The following NRXN2 variants were observed in gnomAD, a reference collection of about 807,000 sequenced individuals.
NRXN2 encodes the protein neurexin-2-beta.
A neutral mutation model predicts 128.8 loss-of-function variants in NRXN2; 29 were observed. The observed-to-expected ratio is 0.23, with a 90% CI of 0.17 to 0.31. NRXN2 has a LOEUF of 0.31. NRXN2 is among the 10% of genes least tolerant of loss of function. The pLI, the probability that NRXN2 is intolerant of heterozygous loss-of-function variation, is 1.00. For missense variants in NRXN2, 1,881 were observed against 2,452.6 expected (o/e 0.77, Z 4.92); for synonymous variants, 1,098 against 1,075.2 (o/e 1.02, Z -0.41).
At chr11:64,707,344 G>A (rs545926225) in intron 2 of NRXN2, among the ~76,000 whole-genome samples, 15 of 150,188 alleles carry the variant, frequency 1.0e-4, no homozygotes, top group African/African-American at 2.5e-4. Flanking sequence ...GCAAGATCAC[G>A]CCACTGTACT....
In NRXN2 at chr11:64,662,793, T is replaced by A. The variant is rs557953164; in HGVS notation, c.1799-1654A>T. 1.4e-3 allele frequency among the ~76,000 whole-genome samples: 206 copies of A among 150,028 alleles called. 1 individual carries two copies. Among genetic ancestry groups the A allele is most frequent in the South Asian group, 4.7e-3 (22 of 4,730 alleles). ...CGAGATTCTGTCTCAAAAAAAAAAA[T>A]AAATAAATAAATAAAAGGGGTCAGG... On this transcript the variant is annotated intron_variant, in intron 9 of 22. Coordinates refer to ENST00000265459, the MANE Select transcript of NRXN2 (RefSeq NM_015080.4).
At position 64,685,692 on chromosome 11, in the gene NRXN2, T is replaced by C. The variant is rs754962693; in HGVS notation, c.1106A>G (p.Asn369Ser). The C allele has an allele frequency of 2.5e-6, 4 of 1,614,226 alleles. No homozygotes were observed. Among genetic ancestry groups the C allele is most frequent in the Admixed American group, 1.7e-5 (1 of 60,032 alleles). The change falls in exon 6 of 23, where the codon AAC (asparagine) becomes AGC (serine). Residue 369 changes from asparagine to serine, a missense_variant. Asn to Ser is a conservative substitution (Grantham distance 46, BLOSUM62 1). This residue lies in a region of NRXN2 where 997 missense variants were observed against 1,240.8 expected (regional missense o/e 0.80). Coordinates refer to ENST00000265459, the MANE Select transcript of NRXN2 (RefSeq NM_015080.4). The part of the protein sequence containing the change: ...ALVEPVNGKF[N>S]DNAWHDVRVT... ...CCGGACGTCGTGCCAGGCGTTGTCGTTGAACTTGCCATTGACGGGTTCCAC... is the reference window on the plus strand; with the variant it reads ...CCGGACGTCGTGCCAGGCGTTGTCGCTGAACTTGCCATTGACGGGTTCCAC...
chr11:64,649,307 C>A (rs2047143605), intron 15 of NRXN2, among the ~76,000 whole-genome samples: 1 of 152,344 alleles, frequency 6.6e-6, no homozygotes, highest in South Asian at 2.1e-4. Context: ...CTCCTTCAAG[C>A]CTTTCCCAAC....
At chr11:64,666,723 C>T (rs2049920787) in intron 9 of NRXN2, among the ~76,000 whole-genome samples, 1 of 152,148 alleles carries the variant, frequency 6.6e-6, no homozygotes, top group African/African-American at 2.4e-5. Flanking sequence ...GCCACCACAC[C>T]CAGCTAATTT....
chr11:64,666,316 C>T (rs2049853851), intron 9 of NRXN2, among the ~76,000 whole-genome samples: 1 of 151,848 alleles, frequency 6.6e-6, no homozygotes, highest in African/African-American at 2.4e-5. Context: ...ATTCTCCTGC[C>T]TCAGCCTCCC....
At chr11:64,686,973 G>A (rs2053145733) in intron 5 of NRXN2, among the ~76,000 whole-genome samples, 1 of 152,188 alleles carries the variant, frequency 6.6e-6, no homozygotes, top group African/African-American at 2.4e-5. Flanking sequence ...ACCAGCACAA[G>A]CCAGAGTGCA....
In NRXN2 at chr11:64,648,099, G is replaced by A; in HGVS notation, c.3403+120C>T. 1.4e-6 allele frequency: 2 copies of A among 1,410,974 alleles called. No homozygotes were observed. The highest frequency in any genetic ancestry group is 2.0e-6 in the Non-Finnish European group (2 of 1,009,540). The allele number at this position is 1,410,974 out of a possible 1,614,324, so 87.4% of individuals were successfully genotyped here. ...CTGGGACTCTGCAGACAAGGGATGA[G>A]AAGGAAGAAGCAGCACAGCTCCTGA... On this transcript the variant is annotated intron_variant, in intron 17 of 22. Transcript: ENST00000265459. This position sits in a 1 kb window ranked among gnomAD's most constrained non-coding sequence, Gnocchi z 4.1.
rs1392864719 is a variant in NRXN2 at position 64,630,413 on chromosome 11, C to A, written c.3746G>T (p.Arg1249Leu). The change falls in exon 19 of 23, where the codon CGG (arginine) becomes CTG (leucine). Residue 1249 changes from arginine to leucine, a missense_variant. By Grantham distance (102) the Arg-to-Leu change is moderately radical (BLOSUM62 -2). Transcript: ENST00000265459. This position sits in a 1 kb window ranked among gnomAD's most constrained non-coding sequence, Gnocchi z 4.6. ...LQVDSWPVNE[R>L]YPAGNFDNER... ...CCCGCGCCGCCTACCTGCCGGGTACCGCTCGTTGACCGGCCAGCTGTCCAC... is the reference window on the plus strand; with the variant it reads ...CCCGCGCCGCCTACCTGCCGGGTACAGCTCGTTGACCGGCCAGCTGTCCAC... The A allele has an allele frequency of 3.7e-6, 6 of 1,611,818 alleles. No homozygotes were observed. In the Admixed American group the frequency reaches 1.0e-4, roughly 27 times the overall value.
At chr11:64,710,128 G>A (rs999872627) in intron 2 of NRXN2, among the ~76,000 whole-genome samples, 8 of 151,918 alleles carry the variant, frequency 5.3e-5, no homozygotes, top group East Asian at 3.9e-4. Context: ...GGCTGGTCTC[G>A]AACTCCCGAC....
At chr11:64,715,299 CCCAA>C (rs1202931122) in intron 1 of NRXN2, among the ~76,000 whole-genome samples, 2 of 152,174 alleles carry the variant, frequency 1.3e-5, no homozygotes, top group African/African-American at 4.8e-5. Context: ...TGGGGACTTG[CCCAA>C]GGTCACACGG....
chr11:64,651,487 A>C lies in NRXN2; in HGVS notation c.2686T>G (p.Cys896Gly). 1 of 1,614,148 alleles carries C rather than the reference A, an allele frequency of 6.2e-7. No homozygotes were observed. The highest frequency in any genetic ancestry group is 8.5e-7 in the Non-Finnish European group (1 of 1,180,004). Residue 896 changes from cysteine to glycine, a missense_variant, in exon 14 of 23, where the codon TGC becomes GGC. Physicochemically the swap from Cys to Gly is radical, Grantham distance 159 (BLOSUM62 -3). Transcript: ENST00000265459. This position sits in a 1 kb window ranked among gnomAD's most constrained non-coding sequence, Gnocchi z 5.9. ...VFNGQPYMDQ[C>G]KDGDITYCEL... Reference sequence around the variant, plus strand: ...CAGTAGGTGATGTCACCATCCTTGCACTGGTCCATGTAGGGCTGGCCATTG... The same window carrying C: ...CAGTAGGTGATGTCACCATCCTTGCCCTGGTCCATGTAGGGCTGGCCATTG...
chr11:64,704,055 T>C (rs1211142772), intron 2 of NRXN2, among the ~76,000 whole-genome samples: 3 of 152,166 alleles, frequency 2.0e-5, no homozygotes, highest in South Asian at 2.1e-4. Flanking sequence ...CTGCTGTCTA[T>C]ACCACCCTCT....
intron 17 of NRXN2, among the ~76,000 whole-genome samples, chr11:64,641,339 C>T (rs2045634425): frequency 6.6e-6 from 1 of 151,810 alleles, no homozygotes; most frequent in Non-Finnish European, 1.5e-5. Flanking sequence ...TGACAAGGTG[C>T]AGAGATGGGA....
intron 17 of NRXN2, among the ~76,000 whole-genome samples, chr11:64,640,940 A>G (rs982617370): frequency 1.3e-5 from 2 of 152,042 alleles, no homozygotes; most frequent in African/African-American, 4.8e-5. Context: ...ACAGGAATGG[A>G]AGATGATGGA....
intron 7 of NRXN2, among the ~76,000 whole-genome samples, chr11:64,669,121 A>T (rs541305): frequency 6.6e-6 from 1 of 152,160 alleles, no homozygotes; most frequent in African/African-American, 2.4e-5. Flanking sequence ...TGGGTGCTGG[A>T]AAGTCTTTCA....
chr11:64,701,583 G>A (rs955751698), intron 2 of NRXN2, among the ~76,000 whole-genome samples: 18 of 152,028 alleles, frequency 1.2e-4, no homozygotes, highest in Non-Finnish European at 2.2e-4. Flanking sequence ...ACAAACAAAC[G>A]CAAAAATTAG....
chr11:64,697,656 T>G (rs1435989546), intron 3 of NRXN2, 119 bp downstream of exon 3: 2 of 1,184,268 alleles, frequency 1.7e-6, no homozygotes, highest in East Asian at 2.4e-5. Context: ...GACATCCTTC[T>G]CCGGAGAGGC....
intron 1 of NRXN2, among the ~76,000 whole-genome samples, chr11:64,715,910 G>A (rs911020458): frequency 1.3e-5 from 2 of 152,170 alleles, no homozygotes; most frequent in African/African-American, 4.8e-5. Flanking sequence ...CCTGCTCCCA[G>A]CCTGATTGAC....
In NRXN2 at chr11:64,630,406, C is replaced by G; in HGVS notation, c.3753G>C (p.Pro1251=). The change falls in exon 19 of 23, where the codon CCG becomes CCC. Residue 1251 remains proline (P), a synonymous_variant. Transcript: ENST00000265459. The surrounding 1 kb of genome is among the most constrained non-coding windows in gnomAD (Gnocchi z 4.6). The part of the protein sequence containing the change: ...VDSWPVNERY[P]AGNFDNERLA... ...CCGCGGGCCCGCGCCGCCTACCTGC[C>G]GGGTACCGCTCGTTGACCGGCCAGC... 1 of 1,611,200 alleles carries G rather than the reference C, an allele frequency of 6.2e-7. No homozygotes were observed. The highest frequency in any genetic ancestry group is 8.5e-7 in the Non-Finnish European group (1 of 1,179,228).
Sources: gnomAD v4.1 joint callset for allele counts (sites outside exome capture counted in the v4.1 genomes callset) on GRCh38, gnomAD v4.1.1 for gene constraint, gnomAD v4.1.1 regional missense constraint, Gnocchi (gnomAD v3.1) non-coding constraint, MANE v1.5 for transcripts, NCBI Gene and HGNC (gene_info 2026-07-23, HGNC 2026-07-21) for gene names.